GRM3: variants seen among roughly 807,000 people sequenced by gnomAD.
The protein encoded by GRM3 is glutamate metabotropic receptor 3.
A neutral mutation model predicts 70.5 loss-of-function variants in GRM3; 26 were observed. The ratio of observed to expected loss-of-function variants is 0.37; its 90% CI spans 0.27 to 0.51. The LOEUF is 0.51. Among genes scored for constraint, GRM3 ranks in the 20% least tolerant of loss-of-function variants. GRM3 has a pLI of 0.93. For synonymous variants in GRM3, 443 were observed against 434.9 expected (o/e 1.02, Z -0.23); for missense variants, 859 against 1,123.8 (o/e 0.76, Z 3.37).
chr7:86,857,602 G>A (rs1358870066), intron 5 of GRM3, among the ~76,000 whole-genome samples: 1 of 152,164 alleles, frequency 6.6e-6, no homozygotes, highest in Admixed American at 6.5e-5. Flanking sequence ...GAAGCTAACA[G>A]GATTAGTTCC....
Position 86,787,082 on chromosome 7 carries a change from G to A in GRM3, c.1290G>A (p.Leu430=), listed in dbSNP as rs931947826. The A allele has an allele frequency of 6.2e-7, 1 of 1,607,758 alleles. No individual in the cohort carries two copies. The highest frequency in any genetic ancestry group is 8.5e-7 in the Non-Finnish European group (1 of 1,175,604). Residue 430 remains leucine, a synonymous_variant, in exon 3 of 6, where the codon TTG becomes TTA. Coordinates refer to ENST00000361669, the MANE Select transcript of GRM3 (RefSeq NM_000840.3). ...DAMKILDGKK[L]YKDYLLKINF... is the part of the protein sequence containing the mutation. ...TGAAGATCCTGGATGGGAAGAAGTT[G>A]TACAAGGATTACTTGCTGAAAATCA...
At chr7:86,665,674 ACTT>A (rs1286840255) in intron 1 of GRM3, among the ~76,000 whole-genome samples, 2 of 152,060 alleles carry the variant, frequency 1.3e-5, no homozygotes, top group Non-Finnish European at 2.9e-5. Context: ...CATATGTTAT[ACTT>A]CTTCTGTTTA....
chr7:86,655,758 A>G (rs972191284), intron 1 of GRM3, among the ~76,000 whole-genome samples: 1 of 151,964 alleles, frequency 6.6e-6, no homozygotes, highest in African/African-American at 2.4e-5. Flanking sequence ...CAAGATGGTT[A>G]TAGGAAAAAA....
chr7:86,827,745 C>T (rs937804225), intron 3 of GRM3, among the ~76,000 whole-genome samples: 2 of 152,136 alleles, frequency 1.3e-5, no homozygotes, highest in Admixed American at 6.5e-5. Context: ...AACTCCTGAC[C>T]TCAGGCGATC....
chr7:86,812,966 G>C (rs1199510759), intron 3 of GRM3, among the ~76,000 whole-genome samples: 1 of 151,670 alleles, frequency 6.6e-6, no homozygotes, highest in Non-Finnish European at 1.5e-5. Context: ...GGCCTATTTG[G>C]AGGGCACTAC....
intron 1 of GRM3, among the ~76,000 whole-genome samples, chr7:86,656,159 C>T (rs1445951329): frequency 6.6e-6 from 1 of 152,032 alleles, no homozygotes; most frequent in Non-Finnish European, 1.5e-5. Context: ...TTCACTTCTC[C>T]ACTGCCAAAG....
rs767211294 is a variant in GRM3 at position 86,742,180 on chromosome 7, T to C, written c.-140-22826T>C. On this transcript the variant is annotated intron_variant, in intron 1 of 5. Transcript: ENST00000361669. ...CTGCTGGCTAGTGCATGTGCCTCTC[T>C]ATATGGTTGCTTAGTTTCTTCAAGG... 5.1e-4 allele frequency among the ~76,000 whole-genome samples: 77 copies of C among 152,282 alleles called. 1 individual carries two copies. The highest frequency in any genetic ancestry group is 6.8e-3 in the Middle Eastern group (2 of 294).
chr7:86,672,524 A>T (rs967690151), intron 1 of GRM3, among the ~76,000 whole-genome samples: 8 of 152,032 alleles, frequency 5.3e-5, no homozygotes, highest in Admixed American at 1.3e-4. Context: ...ATAGTTTTCT[A>T]GATTTAGCAG....
intron 1 of GRM3, among the ~76,000 whole-genome samples, chr7:86,685,796 C>T (rs758959247): frequency 6.6e-6 from 1 of 151,522 alleles, no homozygotes; most frequent in Non-Finnish European, 1.5e-5. Flanking sequence ...GTCCAAGCTA[C>T]TCACAAGGCT....
At chr7:86,851,684 G>C (rs1483750648) in intron 5 of GRM3, among the ~76,000 whole-genome samples, 5 of 152,086 alleles carry the variant, frequency 3.3e-5, no homozygotes, top group African/African-American at 1.2e-4. Context: ...GGAAACTGAA[G>C]GAAGACTGAC....
chr7:86,803,093 A>T (rs1035786865), intron 3 of GRM3, among the ~76,000 whole-genome samples: 1 of 152,210 alleles, frequency 6.6e-6, no homozygotes, highest in African/African-American at 2.4e-5. Context: ...ATGATTTCTC[A>T]ATTGTAATAA....
rs767984187 is a variant in GRM3 at position 86,765,707 on chromosome 7, C to T, written c.468+94C>T. 5.8e-5 allele frequency: 55 copies of T among 942,976 alleles called. No individual in the cohort carries two copies. In the Middle Eastern group the frequency reaches 1.9e-3, roughly 32 times the overall value. 58.4% of individuals were successfully genotyped at this position (942,976 alleles called of 1,614,324 possible). On this transcript the variant is annotated intron_variant, in intron 2 of 5. Transcript: ENST00000361669. ...GAAAATATCATAATAACGTCATCAA[C>T]GGATTATATCAACAATGCAATTATT...
At chr7:86,787,171 G>C in intron 3 of GRM3, 55 bp downstream of exon 3, 4 of 1,373,102 alleles carry the variant, frequency 2.9e-6, no homozygotes, top group Non-Finnish European at 4.0e-6. Context: ...AAATAAAATA[G>C]GAATCAAATG....
intron 1 of GRM3, among the ~76,000 whole-genome samples, chr7:86,745,459 T>C (rs960866296): frequency 6.6e-6 from 1 of 151,966 alleles, no homozygotes; most frequent in Non-Finnish European, 1.5e-5. Flanking sequence ...ATGAAAACAA[T>C]ATAAGTAGAA....
intron 2 of GRM3, among the ~76,000 whole-genome samples, chr7:86,773,713 C>T (rs1281503598): frequency 6.6e-6 from 1 of 152,108 alleles, no homozygotes; most frequent in Non-Finnish European, 1.5e-5. Context: ...AGGACTTCAT[C>T]ACAGGGAGGG....
At chr7:86,699,662 A>G (rs1279286605) in intron 1 of GRM3, among the ~76,000 whole-genome samples, 3 of 152,054 alleles carry the variant, frequency 2.0e-5, no homozygotes, top group Non-Finnish European at 4.4e-5. Flanking sequence ...ATGAATATAA[A>G]TTATACCTTC....
chr7:86,813,134 T>C (rs565312147), intron 3 of GRM3, among the ~76,000 whole-genome samples: 5 of 151,892 alleles, frequency 3.3e-5, no homozygotes, highest in African/African-American at 1.2e-4. Flanking sequence ...AAATAAATTG[T>C]ATTGTGTTTC....
intron 1 of GRM3, among the ~76,000 whole-genome samples, chr7:86,723,225 CA>C (rs1021125850): frequency 1.9e-4 from 28 of 144,588 alleles, no homozygotes; most frequent in African/African-American, 6.9e-4. Context: ...GTTCTACATC[CA>C]TAAAAAAAAT....
chr7:86,645,604 A>C (rs941158360), intron 1 of GRM3, among the ~76,000 whole-genome samples: 11 of 152,134 alleles, frequency 7.2e-5, no homozygotes, highest in African/African-American at 2.7e-4. Context: ...ATTTCATTTA[A>C]ATTTCTTTCT....
Sources: allele counts gnomAD v4.1 joint callset (sites outside exome capture counted in the v4.1 genomes callset), GRCh38; gene constraint gnomAD v4.1.1; transcripts MANE v1.5; gene names NCBI Gene and HGNC (gene_info 2026-07-23, HGNC 2026-07-21).